AGMO: variants seen among roughly 807,000 people sequenced by gnomAD.
The protein encoded by AGMO is alkylglycerol monooxygenase.
A neutral mutation model predicts 60.2 loss-of-function variants in AGMO; 75 were observed. That is an observed-to-expected ratio of 1.25 (90% CI 1.03 to 1.51). The LOEUF (loss-of-function observed/expected upper bound fraction) is 1.51, where lower values mean the gene tolerates loss of function less well. AGMO is among the 40% of genes most tolerant of loss of function. The probability of loss-of-function intolerance (pLI) is 0.00; values close to 1 mark genes in which losing one functional copy is unlikely to be tolerated. For synonymous variants in AGMO, 261 were observed against 177.1 expected (o/e 1.47, Z -3.76); for missense variants, 763 against 525.5 (o/e 1.45, Z -4.42).
the AGMO span, among the ~76,000 whole-genome samples, chr7:15,132,700 G>A: frequency 6.6e-6 from 1 of 152,178 alleles, no homozygotes; most frequent in African/African-American, 2.4e-5. Context: ...ACTGGGGTGA[G>A]CTGAAAATAG....
intron 10 of AGMO, among the ~76,000 whole-genome samples, chr7:15,378,200 T>C (rs935915913): frequency 3.3e-5 from 5 of 152,060 alleles, no homozygotes; most frequent in African/African-American, 9.7e-5. Flanking sequence ...TGTGGCTTTT[T>C]ATTTTAAAAA....
Position 15,366,225 on chromosome 7 carries a change from G to A in AGMO, c.1075-3C>T. On this transcript the variant is annotated splice_region_variant and splice_polypyrimidine_tract_variant and intron_variant, in intron 10 of 12. Transcript: ENST00000342526. The stretch of plus-strand genomic sequence containing the variant: ...AGGAGAGTAACTTGCGACAGTGCCT[G>A]TCAAACAAACACGGAGATCAATGGA... The A allele has an allele frequency of 1.3e-6, 2 of 1,599,396 alleles. No homozygotes were observed. The highest frequency in any genetic ancestry group is 1.7e-6 in the Non-Finnish European group (2 of 1,171,592).
At chr7:15,204,956 T>C (rs571398808) in intron 12 of AGMO, among the ~76,000 whole-genome samples, 6 of 152,252 alleles carry the variant, frequency 3.9e-5, no homozygotes, top group Admixed American at 2.6e-4. Context: ...GCCTCCCTAG[T>C]TGGGCCTATA....
downstream of AGMO, among the ~76,000 whole-genome samples, chr7:15,199,955 A>T (rs1333553971): frequency 6.6e-6 from 1 of 152,172 alleles, no homozygotes; most frequent in Non-Finnish European, 1.5e-5. Context: ...AGACACCTGC[A>T]GTCTGATTCT....
the AGMO span, among the ~76,000 whole-genome samples, chr7:15,119,105 T>G: frequency 6.6e-6 from 1 of 151,722 alleles, no homozygotes; most frequent in Non-Finnish European, 1.5e-5. Context: ...ACATGAACAG[T>G]GAAGGAGTTC....
At chr7:15,371,459 C>T (rs1046753786) in intron 10 of AGMO, among the ~76,000 whole-genome samples, 10 of 151,848 alleles carry the variant, frequency 6.6e-5, no homozygotes, top group African/African-American at 9.7e-5. Context: ...GGCGCCATCT[C>T]GGCTCACTGC....
chr7:15,531,082 C>CTG (rs1562556614), intron 3 of AGMO, among the ~76,000 whole-genome samples: 4 of 17,638 alleles, frequency 2.3e-4, no homozygotes, highest in African/African-American at 6.7e-4. Context: ...TATATATATT[C>CTG]TATATATATA....
At chr7:15,381,715 T>G (rs947203318) in intron 10 of AGMO, among the ~76,000 whole-genome samples, 4 of 152,166 alleles carry the variant, frequency 2.6e-5, no homozygotes, top group Non-Finnish European at 4.4e-5. Context: ...TAAAGTTAAA[T>G]GCATACATAT....
intron 12 of AGMO, among the ~76,000 whole-genome samples, chr7:15,349,900 CT>C (rs1369088932): frequency 5.9e-5 from 9 of 152,106 alleles, no homozygotes; most frequent in African/African-American, 1.9e-4. Flanking sequence ...ACTGGGTCCC[CT>C]CCTATGACAT....
At chr7:15,147,833 A>G in the AGMO span, among the ~76,000 whole-genome samples, 1 of 152,202 alleles carries the variant, frequency 6.6e-6, no homozygotes, top group Admixed American at 6.5e-5. Context: ...AAAAATTGTA[A>G]TGGTAAAAAA....
intron 4 of AGMO, among the ~76,000 whole-genome samples, chr7:15,425,284 A>T (rs1781029574): frequency 6.6e-6 from 1 of 152,266 alleles, no homozygotes; most frequent in Admixed American, 6.5e-5. Context: ...CTGTTTCCTA[A>T]ATATAAATGA....
Position 15,467,177 on chromosome 7 carries a change from A to G in AGMO, c.410-36069T>C, listed in dbSNP as rs866463324. On this transcript the variant is annotated intron_variant, in intron 3 of 12. Coordinates refer to ENST00000342526, the MANE Select transcript of AGMO (RefSeq NM_001004320.2). ...TTTATATGGAAAACGCAATCCAGAC[A>G]ACAATAAAATGTTGTACTCTTCCAT... Among the ~76,000 whole-genome samples the G allele has an allele frequency of 3.9e-5, 6 of 152,188 alleles. No individual in the cohort carries two copies. The South Asian group carries it at 1.0e-3, about 26-fold the overall frequency.
At chr7:15,252,445 A>C (rs1192243600) in intron 12 of AGMO, among the ~76,000 whole-genome samples, 1 of 152,194 alleles carries the variant, frequency 6.6e-6, no homozygotes, top group African/African-American at 2.4e-5. Context: ...ATTACATATG[A>C]CTGTACTGCC....
At chr7:15,468,689 G>A (rs1477375047) in intron 3 of AGMO, among the ~76,000 whole-genome samples, 3 of 152,018 alleles carry the variant, frequency 2.0e-5, no homozygotes, top group East Asian at 1.9e-4. Context: ...ACACATAAAT[G>A]TTATATAAAT....
chr7:15,241,256 C>T (rs570721970), intron 12 of AGMO, among the ~76,000 whole-genome samples: 2 of 151,306 alleles, frequency 1.3e-5, no homozygotes, highest in African/African-American at 2.4e-5. Flanking sequence ...GTCAGGAGAT[C>T]GAGACCATCC....
the AGMO span, among the ~76,000 whole-genome samples, chr7:15,161,686 T>C: frequency 6.6e-4 from 100 of 151,692 alleles, 3 homozygotes; most frequent in East Asian, 0.017. Context: ...TATATGTATA[T>C]GTATATATGT....
At chr7:15,558,864 A>G (rs1785225417) in intron 2 of AGMO, among the ~76,000 whole-genome samples, 2 of 152,028 alleles carry the variant, frequency 1.3e-5, no homozygotes, top group South Asian at 2.1e-4. Flanking sequence ...TTAGCTTCCC[A>G]CTGGGCGGTT....
chr7:15,452,071 A>T (rs1781870104), intron 3 of AGMO, among the ~76,000 whole-genome samples: 1 of 152,162 alleles, frequency 6.6e-6, no homozygotes, highest in African/African-American at 2.4e-5. Context: ...TCAAATATAC[A>T]AGTACAGAGT....
At chr7:15,123,615 TA>T in the AGMO span, among the ~76,000 whole-genome samples, 8 of 152,098 alleles carry the variant, frequency 5.3e-5, no homozygotes, top group African/African-American at 1.9e-4. Context: ...ACTCCTACTT[TA>T]AAATGAGTCT....
Sources: gnomAD v4.1 joint callset for allele counts (sites outside exome capture counted in the v4.1 genomes callset) on GRCh38, gnomAD v4.1.1 for gene constraint, MANE v1.5 for transcripts, NCBI Gene and HGNC (gene_info 2026-07-23, HGNC 2026-07-21) for gene names.